Variants in SPIRE1 observed in about 807,000 individuals in gnomAD.
The protein encoded by SPIRE1 is protein spire homolog 1.
Under a neutral mutation model 94.1 loss-of-function variants are expected in SPIRE1, and 40 were observed. The observed-to-expected ratio is 0.43, with a 90% CI of 0.33 to 0.55. SPIRE1 has a LOEUF of 0.55. Among genes scored for constraint, SPIRE1 ranks in the 20% least tolerant of loss-of-function variants. SPIRE1 has a pLI of 0.06. For synonymous variants in SPIRE1, 376 were observed against 371.7 expected (o/e 1.01, Z -0.13); for missense variants, 838 against 975.2 (o/e 0.86, Z 1.87).
At chr18:12,506,418 C>A in intron 6 of SPIRE1, 59 bp downstream of exon 6, 1 of 1,527,374 alleles carries the variant, frequency 6.5e-7, no homozygotes, top group Non-Finnish European at 9.0e-7. Context: ...CTCGACCTCC[C>A]AAAGTGCTGG....
chr18:12,503,670 C>T lies in SPIRE1; in HGVS notation c.972+2807G>A, dbSNP rs537972410. ...TCAGTGGCTGCCAAAATACTGGAAG[C>T]TTTGAGAGAACAGAGACTGTAATAC... On this transcript the variant is annotated intron_variant, in intron 6 of 16. Transcript: ENST00000409402. 8.6e-5 allele frequency among the ~76,000 whole-genome samples: 10 copies of T among 116,716 alleles called. 1 individual carries two copies. The highest frequency in any genetic ancestry group is 3.1e-4 in the African/African-American group (9 of 28,930). 76.6% of individuals were successfully genotyped at this position (116,716 alleles called of 152,430 possible). A position where few individuals can be genotyped will look rare whatever the true frequency, so the allele number is the denominator to read the frequency against.
At chr18:12,610,306 C>G (rs903785066) in intron 2 of SPIRE1, among the ~76,000 whole-genome samples, 1 of 152,164 alleles carries the variant, frequency 6.6e-6, no homozygotes, top group African/African-American at 2.4e-5. Context: ...TCCACCTGAT[C>G]TCAGACATCC....
chr18:12,460,314 G>A (rs2031730476), intron 12 of SPIRE1, among the ~76,000 whole-genome samples: 1 of 152,174 alleles, frequency 6.6e-6, no homozygotes, highest in African/African-American at 2.4e-5. Flanking sequence ...GCCAACACGA[G>A]GTGCCTTTAG....
chr18:12,543,381 C>G (rs1304332385), intron 3 of SPIRE1, among the ~76,000 whole-genome samples: 1 of 152,202 alleles, frequency 6.6e-6, no homozygotes, highest in East Asian at 1.9e-4. Context: ...ACCTCCTGGG[C>G]TCAAGTGATC....
chr18:12,597,629 G>T lies in SPIRE1; in HGVS notation c.372+37433C>A, dbSNP rs1031600717. Among the ~76,000 whole-genome samples, 3 of 152,168 alleles carry T rather than the reference G, an allele frequency of 2.0e-5. No individual in the cohort carries two copies. In the South Asian group the frequency reaches 6.2e-4, roughly 32 times the overall value. The stretch of plus-strand genomic sequence containing the variant: ...GGAAGAAGAAATAATTTGCTGTATA[G>T]TAATAATTTGCTGAGAATTAAATAC... On this transcript the variant is annotated intron_variant, in intron 2 of 16. Transcript: ENST00000409402.
At chr18:12,479,072 T>C (rs1031037528) in intron 10 of SPIRE1, among the ~76,000 whole-genome samples, 1 of 152,050 alleles carries the variant, frequency 6.6e-6, no homozygotes, top group African/African-American at 2.4e-5. Context: ...ATTAAGGTAA[T>C]ATAAGCTGGA....
chr18:12,658,721 G>A (rs373220220), upstream of SPIRE1: 23 of 414,978 alleles, frequency 5.5e-5, 1 homozygote, highest in East Asian at 3.9e-4. Flanking sequence ...CGCTCTGCGC[G>A]TTTTCCGATT....
At chr18:12,529,139 G>C (rs912343983) in intron 4 of SPIRE1, among the ~76,000 whole-genome samples, 2 of 152,216 alleles carry the variant, frequency 1.3e-5, no homozygotes, top group Non-Finnish European at 2.9e-5. Context: ...GGAGGCCGAG[G>C]CGGGCGGACC....
At position 12,658,016 on chromosome 18, in the gene SPIRE1, T is replaced by C; in HGVS notation, c.-150A>G. 1 of 992,402 alleles carries C rather than the reference T, an allele frequency of 1.0e-6. No homozygotes were observed. The highest frequency in any genetic ancestry group is 1.2e-6 in the Non-Finnish European group (1 of 835,988). The allele number at this position is 992,402 out of a possible 1,614,324, so 61.5% of individuals were successfully genotyped here. ...CGCGCCGCCGCCGGGACCAGGCGAG[T>C]GCCCGGGAGGCGTGGGCAAGAGGAG... On this transcript the variant is annotated 5_prime_UTR_variant, in exon 1 of 17. Coordinates refer to ENST00000409402, the MANE Select transcript of SPIRE1 (RefSeq NM_001128626.2).
At position 12,559,460 on chromosome 18, in the gene SPIRE1, G is replaced by A. The variant is rs1276948073; in HGVS notation, c.373-12556C>T. Among the ~76,000 whole-genome samples, 8 of 152,158 alleles carry A rather than the reference G, an allele frequency of 5.3e-5. No homozygotes were observed. Among genetic ancestry groups the A allele is most frequent in the Non-Finnish European group, 8.8e-5 (6 of 68,018 alleles). ...CCACGCGCAGCCCTGGTTGCCACCC[G>A]CGCCTCTCCCTCCACACCTCCCTGC... On this transcript the variant is annotated intron_variant, in intron 2 of 16. Coordinates refer to ENST00000409402, the MANE Select transcript of SPIRE1 (RefSeq NM_001128626.2). The surrounding 1 kb of genome is among the most constrained non-coding windows in gnomAD (Gnocchi z 4.7).
Position 12,635,049 on chromosome 18 carries a change from G to GT in SPIRE1, c.372+12dup. ...AGCTGCTTTACTAAGAAATATTTGA[G>GT]TATTTCACTTACCTCTGTTTCCATA... On this transcript the variant is annotated intron_variant, in intron 2 of 16. Transcript: ENST00000409402. 1 of 1,423,068 alleles carries GT rather than the reference G, an allele frequency of 7.0e-7. No homozygotes were observed. Among genetic ancestry groups the GT allele is most frequent in the Non-Finnish European group, 9.7e-7 (1 of 1,033,916 alleles). 88.2% of individuals were successfully genotyped at this position (1,423,068 alleles called of 1,614,324 possible). A position where few individuals can be genotyped will look rare whatever the true frequency, so the allele number is the denominator to read the frequency against.
intron 9 of SPIRE1, 44 bp from the exon 10 acceptor site, chr18:12,479,915 G>C: frequency 6.3e-7 from 1 of 1,576,416 alleles, no homozygotes; most frequent in Non-Finnish European, 8.6e-7. Context: ...GCCAAGAAAG[G>C]TTATCTGTGT....
upstream of SPIRE1, chr18:12,658,140 C>G (rs2038614539): frequency 2.1e-6 from 2 of 941,994 alleles, no homozygotes; most frequent in Non-Finnish European, 2.5e-6. Flanking sequence ...CGCCTCGCGC[C>G]GTCCAGCGCC....
chr18:12,641,314 G>T (rs1828671526), intron 1 of SPIRE1, among the ~76,000 whole-genome samples: 1 of 151,856 alleles, frequency 6.6e-6, no homozygotes. Flanking sequence ...GTAGTTAACA[G>T]GCTGAAATTT....
chr18:12,619,551 TA>T (rs920337496), intron 2 of SPIRE1, among the ~76,000 whole-genome samples: 3 of 148,406 alleles, frequency 2.0e-5, no homozygotes, highest in Non-Finnish European at 3.0e-5. Context: ...AAATAAAAAA[TA>T]AAAAAATAAA....
intron 2 of SPIRE1, among the ~76,000 whole-genome samples, chr18:12,628,691 TTC>T (rs895789228): frequency 6.6e-6 from 1 of 152,322 alleles, no homozygotes; most frequent in Admixed American, 6.5e-5. Context: ...GCACGGAATG[TTC>T]TTCCATTTGT....
intron 2 of SPIRE1, among the ~76,000 whole-genome samples, chr18:12,617,526 T>G (rs978425022): frequency 6.6e-6 from 1 of 151,950 alleles, no homozygotes; most frequent in Admixed American, 6.6e-5. Flanking sequence ...TTCTCCTGCC[T>G]CAGCCTCCCG....
chr18:12,636,016 G>A (rs1348352442), intron 1 of SPIRE1, among the ~76,000 whole-genome samples: 5 of 151,914 alleles, frequency 3.3e-5, no homozygotes, highest in Admixed American at 2.0e-4. Context: ...GGCCTCCTGA[G>A]TGAGTAGCTG....
chr18:12,651,428 G>A (rs1332242804), intron 1 of SPIRE1, among the ~76,000 whole-genome samples: 4 of 152,110 alleles, frequency 2.6e-5, no homozygotes, highest in Non-Finnish European at 5.9e-5. Flanking sequence ...TGTAATCCCA[G>A]CACTTTGGGA....
Sources: allele counts gnomAD v4.1 joint callset (sites outside exome capture counted in the v4.1 genomes callset), GRCh38; gene constraint gnomAD v4.1.1; non-coding constraint Gnocchi (gnomAD v3.1); transcripts MANE v1.5; gene names NCBI Gene and HGNC (gene_info 2026-07-23, HGNC 2026-07-21).